CARMIL1: variants seen among roughly 807,000 people sequenced by gnomAD.
CARMIL1 encodes F-actin-uncapping protein LRRC16A.
Under a neutral mutation model 177.1 loss-of-function variants are expected in CARMIL1, and 90 were observed. The ratio of observed to expected loss-of-function variants is 0.51; its 90% CI spans 0.43 to 0.61. CARMIL1 has a LOEUF of 0.61. Among genes scored for constraint, CARMIL1 ranks in the 20% least tolerant of loss-of-function variants. The probability of loss-of-function intolerance (pLI) is 0.00; values close to 1 mark genes in which losing one functional copy is unlikely to be tolerated. For missense variants in CARMIL1, 1,380 were observed against 1,667.0 expected (o/e 0.83, Z 3.00); for synonymous variants, 577 against 606.2 (o/e 0.95, Z 0.71).
chr6:25,456,514 A>G (rs1799545318), intron 8 of CARMIL1, among the ~76,000 whole-genome samples: 1 of 152,086 alleles, frequency 6.6e-6, no homozygotes, highest in African/African-American at 2.4e-5. Flanking sequence ...ATATTCTTTC[A>G]ATTTGTTCTG....
At chr6:25,359,901 T>G (rs1273012481) in intron 2 of CARMIL1, among the ~76,000 whole-genome samples, 1 of 152,208 alleles carries the variant, frequency 6.6e-6, no homozygotes, top group Non-Finnish European at 1.5e-5. Context: ...AGCACTTTGT[T>G]TTTAAAAAAG....
chr6:25,357,334 C>A (rs181721409), intron 2 of CARMIL1, among the ~76,000 whole-genome samples: 5 of 152,294 alleles, frequency 3.3e-5, no homozygotes, highest in Admixed American at 3.3e-4. Context: ...GTAAGCCCAG[C>A]ACTTTGGGAG....
intron 2 of CARMIL1, among the ~76,000 whole-genome samples, chr6:25,303,094 C>T (rs1782990287): frequency 6.7e-6 from 1 of 148,962 alleles, no homozygotes; most frequent in African/African-American, 2.5e-5. Context: ...ATTGCATGTA[C>T]TTTCAACTTT....
rs1159954789 is a variant in CARMIL1, at chr6:25,509,500, C to G, written c.1396-156C>G. On this transcript the variant is annotated intron_variant, in intron 17 of 36. Transcript: ENST00000329474. This position sits in a 1 kb window ranked among gnomAD's most constrained non-coding sequence, Gnocchi z 4.1. Reference sequence around the variant, plus strand: ...GCAATGGCTAGTGATAGGCTCTTTACCCACTGATAATAGCTTCTTTGGAGT... The same window carrying G: ...GCAATGGCTAGTGATAGGCTCTTTAGCCACTGATAATAGCTTCTTTGGAGT... Among the ~76,000 whole-genome samples, 2 of 152,068 alleles carry G rather than the reference C, an allele frequency of 1.3e-5. No homozygotes were observed. The highest frequency in any genetic ancestry group is 1.3e-4 in the Admixed American group (2 of 15,258).
chr6:25,291,047 A>G (rs1213039547), intron 2 of CARMIL1, among the ~76,000 whole-genome samples: 1 of 152,130 alleles, frequency 6.6e-6, no homozygotes, highest in East Asian at 1.9e-4. Flanking sequence ...TCTGGACTCA[A>G]GCGATTCTCC....
intron 2 of CARMIL1, among the ~76,000 whole-genome samples, chr6:25,348,966 G>C (rs1249004414): frequency 6.6e-6 from 1 of 152,144 alleles, no homozygotes; most frequent in Non-Finnish European, 1.5e-5. Context: ...AGCTTGCTGA[G>C]TGCTTTTGTA....
At chr6:25,285,976 A>G (rs1781489499) in intron 2 of CARMIL1, among the ~76,000 whole-genome samples, 1 of 152,110 alleles carries the variant, frequency 6.6e-6, no homozygotes, top group Non-Finnish European at 1.5e-5. Context: ...GGCTCAAGCG[A>G]TCCTCCCACC....
intron 12 of CARMIL1, among the ~76,000 whole-genome samples, chr6:25,485,978 C>G (rs1351701445): frequency 2.6e-5 from 4 of 151,516 alleles, no homozygotes; most frequent in Non-Finnish European, 4.4e-5. Context: ...CCACTGCCTC[C>G]AAATACCCTT....
chr6:25,409,546 C>T lies in CARMIL1; in HGVS notation c.139-10568C>T, dbSNP rs115056066. Among the ~76,000 whole-genome samples the T allele has an allele frequency of 4.3e-3, 654 of 152,282 alleles. 7 individuals carry two copies. Among genetic ancestry groups the T allele is most frequent in the African/African-American group, 0.015 (620 of 41,556 alleles). On this transcript the variant is annotated intron_variant, in intron 2 of 36. Transcript: ENST00000329474. ...AGCTGAGATTTCGCCTGAAGTGTGT[C>T]TGACTCTAAAGCTCATGTTCTTGCC...
At chr6:25,498,330 CA>C (rs1803948627) in intron 16 of CARMIL1, among the ~76,000 whole-genome samples, 1 of 152,086 alleles carries the variant, frequency 6.6e-6, no homozygotes, top group Non-Finnish European at 1.5e-5. Context: ...GCAATTTTGC[CA>C]TCATTAGGTT....
chr6:25,419,668 A>G (rs1795661544), intron 2 of CARMIL1, among the ~76,000 whole-genome samples: 1 of 152,208 alleles, frequency 6.6e-6, no homozygotes, highest in African/African-American at 2.4e-5. Flanking sequence ...TAGCTGGAGT[A>G]CAAAGAATGG....
chr6:25,619,481 G>T lies in CARMIL1; in HGVS notation c.4014G>T (p.Glu1338Asp), dbSNP rs1317523252. The T allele has an allele frequency of 3.1e-6, 5 of 1,613,834 alleles. No individual in the cohort carries two copies. In the Admixed American group the frequency reaches 6.7e-5, roughly 22 times the overall value. The change falls in exon 37 of 37, where the codon GAG becomes GAT. Residue 1338 changes from glutamate to aspartate, a missense_variant. Physicochemically the swap from Glu to Asp is conservative, Grantham distance 45. Coordinates refer to ENST00000329474, the MANE Select transcript of CARMIL1 (RefSeq NM_017640.6). ...SRRSWGQQAQ[E>D]YQEQKQRSSS... is the part of the protein sequence containing the mutation. ...GAAGCTGGGGCCAGCAGGCCCAGGA[G>T]TATCAAGAACAAAAGCAACGGTCCT...
chr6:25,484,537 A>G (rs1802439006), intron 12 of CARMIL1, among the ~76,000 whole-genome samples: 1 of 152,260 alleles, frequency 6.6e-6, no homozygotes, highest in Non-Finnish European at 1.5e-5. Context: ...CAGATCTTAC[A>G]GCTAAGTTTA....
chr6:25,374,501 A>G (rs1790788076), intron 2 of CARMIL1, among the ~76,000 whole-genome samples: 1 of 152,174 alleles, frequency 6.6e-6, no homozygotes, highest in Non-Finnish European at 1.5e-5. Flanking sequence ...TATATTTTGC[A>G]GTTCTTGGGT....
At chr6:25,358,625 C>T (rs749413353) in intron 2 of CARMIL1, among the ~76,000 whole-genome samples, 16 of 152,058 alleles carry the variant, frequency 1.1e-4, no homozygotes, top group Non-Finnish European at 2.2e-4. Flanking sequence ...ACTTTCTTTA[C>T]CCAGGTCAAG....
intron 29 of CARMIL1, among the ~76,000 whole-genome samples, chr6:25,560,484 T>G (rs568846216): frequency 6.6e-6 from 1 of 152,184 alleles, no homozygotes; most frequent in Admixed American, 6.5e-5. Flanking sequence ...TTAACACTTA[T>G]GTAGTACCTG....
intron 29 of CARMIL1, among the ~76,000 whole-genome samples, chr6:25,574,585 G>A (rs78267786): frequency 0.011 from 1,602 of 152,330 alleles, 14 homozygotes; most frequent in Non-Finnish European, 0.015. Context: ...ACTCTCATGA[G>A]TTCAGTTGGA....
chr6:25,311,058 T>C (rs1783779078), intron 2 of CARMIL1, among the ~76,000 whole-genome samples: 1 of 141,602 alleles, frequency 7.1e-6, no homozygotes, highest in Non-Finnish European at 1.5e-5. Flanking sequence ...GGTGGGCGCC[T>C]GTAATACCAG....
intron 36 of CARMIL1, among the ~76,000 whole-genome samples, chr6:25,619,011 C>A (rs1408298961): frequency 6.6e-6 from 1 of 152,162 alleles, no homozygotes; most frequent in Non-Finnish European, 1.5e-5. Context: ...TCGAATGGGA[C>A]ATTTGTCCAC....
Sources: gnomAD v4.1 joint callset for allele counts (sites outside exome capture counted in the v4.1 genomes callset) on GRCh38, gnomAD v4.1.1 for gene constraint, Gnocchi (gnomAD v3.1) non-coding constraint, MANE v1.5 for transcripts, NCBI Gene and HGNC (gene_info 2026-07-23, HGNC 2026-07-21) for gene names.